NTRK3: variants seen among roughly 807,000 people sequenced by gnomAD.
NTRK3 encodes the protein NT-3 growth factor receptor.
Under a neutral mutation model 91.7 loss-of-function variants are expected in NTRK3, and 24 were observed. That is an observed-to-expected ratio of 0.26 (90% confidence interval 0.19 to 0.37). The LOEUF is 0.37. Among genes scored for constraint, NTRK3 ranks in the 10% least tolerant of loss-of-function variants. The probability of loss-of-function intolerance (pLI) is 1.00; values close to 1 mark genes in which losing one functional copy is unlikely to be tolerated. For missense variants in NTRK3, 880 were observed against 1,068.9 expected (o/e 0.82, Z 2.46); for synonymous variants, 483 against 404.0 (o/e 1.20, Z -2.34).
intron 16 of NTRK3, among the ~76,000 whole-genome samples, chr15:87,931,885 T>G (rs1274874477): frequency 6.6e-6 from 1 of 152,242 alleles, no homozygotes; most frequent in Non-Finnish European, 1.5e-5. Flanking sequence ...AATTTACATT[T>G]GAACTTTGGA....
exon 19 of NTRK3, chr15:87,862,594 G>A (rs2064557021): frequency 4.4e-6 from 1 of 226,464 alleles, no homozygotes; most frequent in Non-Finnish European, 8.8e-6. Flanking sequence ...CTGACAATTA[G>A]TTAAGAGTAG....
intron 17 of NTRK3, among the ~76,000 whole-genome samples, chr15:87,894,180 C>A (rs2065986639): frequency 6.6e-6 from 1 of 152,200 alleles, no homozygotes; most frequent in Non-Finnish European, 1.5e-5. Context: ...TTCCCACATG[C>A]CCCAGTGGCC....
At position 88,135,381 on chromosome 15, in the gene NTRK3, C is replaced by T. The variant is rs145564369; in HGVS notation, c.924G>A (p.Val308=). ...GGCGCAGCTCAGGCTCCTCCAGGCT[C>T]ACCACACGTGGGGGATCTGTCAAGG... Residue 308 remains valine (V), a synonymous_variant, in exon 10 of 19, where the codon GTG becomes GTA. Transcript: ENST00000394480. 13 of 1,613,876 alleles carry T rather than the reference C, an allele frequency of 8.1e-6. No homozygotes were observed. In the African/African-American group the frequency reaches 1.1e-4, roughly 13 times the overall value.
At chr15:87,887,521 G>C (rs969017136) in intron 17 of NTRK3, among the ~76,000 whole-genome samples, 6 of 152,306 alleles carry the variant, frequency 3.9e-5, no homozygotes, top group Admixed American at 3.3e-4. Flanking sequence ...ACAAAGTACA[G>C]TAACTGTTCA....
chr15:88,223,081 C>T (rs945748870), intron 3 of NTRK3, among the ~76,000 whole-genome samples: 28 of 152,152 alleles, frequency 1.8e-4, no homozygotes, highest in African/African-American at 6.0e-4. Flanking sequence ...TGCTTGCCTC[C>T]CTGCTCCCTC....
intron 5 of NTRK3, among the ~76,000 whole-genome samples, chr15:88,182,414 T>C (rs945025988): frequency 1.3e-5 from 2 of 152,166 alleles, no homozygotes; most frequent in African/African-American, 4.8e-5. Flanking sequence ...CCCCGGTGCA[T>C]GCAATTTCTC....
chr15:87,904,311 C>A (rs1174165634), intron 17 of NTRK3, among the ~76,000 whole-genome samples: 1 of 152,028 alleles, frequency 6.6e-6, no homozygotes, highest in African/African-American at 2.4e-5. Context: ...CCACCACGCC[C>A]GGCTAATTTT....
chr15:88,129,018 T>C (rs184003744), intron 10 of NTRK3, among the ~76,000 whole-genome samples: 241 of 152,314 alleles, frequency 1.6e-3, no homozygotes, highest in Non-Finnish European at 6.2e-4. Flanking sequence ...TATGAGATGA[T>C]AGGGAATTAA....
At chr15:88,238,799 T>C (rs1166402005) in intron 3 of NTRK3, among the ~76,000 whole-genome samples, 1 of 152,252 alleles carries the variant, frequency 6.6e-6, no homozygotes, top group Non-Finnish European at 1.5e-5. Context: ...AAATGCCTCC[T>C]GATAACATTT....
rs1321278599 is a variant in NTRK3 at position 88,170,732 on chromosome 15, G to A, written c.395+12686C>T. ...AGGCTATGGATCAGGGTCCCAACAG[G>A]CCCACTGTAGGGTCCCTGAGGATTC... On this transcript the variant is annotated intron_variant, in intron 5 of 18. Transcript: ENST00000394480. Among the ~76,000 whole-genome samples the A allele has an allele frequency of 2.0e-5, 3 of 152,076 alleles. No homozygotes were observed. In the East Asian group the frequency reaches 5.8e-4, roughly 29 times the overall value.
Position 88,255,564 on chromosome 15 carries a change from A to G in NTRK3, c.248+342T>C, listed in dbSNP as rs576583962. Among the ~76,000 whole-genome samples, 10 of 151,372 alleles carry G rather than the reference A, an allele frequency of 6.6e-5. No individual in the cohort carries two copies. The East Asian group carries it at 2.0e-3, about 30-fold the overall frequency. ...ACTTGAGCGTGGCCAAACTGTTGCT[A>G]TTTAGTGGGGAGCAAAAAAAAACAA... On this transcript the variant is annotated intron_variant, in intron 3 of 18. Coordinates refer to ENST00000394480, the Ensembl canonical transcript of NTRK3. This position sits in a 1 kb window ranked among gnomAD's most constrained non-coding sequence, Gnocchi z 4.3.
chr15:88,170,733 C>T (rs772344696), intron 5 of NTRK3, among the ~76,000 whole-genome samples: 2 of 152,120 alleles, frequency 1.3e-5, no homozygotes, highest in African/African-American at 2.4e-5. Flanking sequence ...TCCCAACAGG[C>T]CCACTGTAGG....
intron 17 of NTRK3, among the ~76,000 whole-genome samples, chr15:87,922,263 A>T (rs949555598): frequency 6.6e-6 from 1 of 152,226 alleles, no homozygotes; most frequent in Admixed American, 6.5e-5. Context: ...TCACTGGTCA[A>T]AAAGACTTAG....
At chr15:87,895,951 C>A (rs532563432) in intron 17 of NTRK3, among the ~76,000 whole-genome samples, 4 of 152,034 alleles carry the variant, frequency 2.6e-5, no homozygotes, top group Admixed American at 6.6e-5. Context: ...TTTAAATATA[C>A]CTATAGCCTG....
At chr15:88,148,623 G>T (rs899819334) in intron 5 of NTRK3, among the ~76,000 whole-genome samples, 16 of 152,198 alleles carry the variant, frequency 1.1e-4, no homozygotes, top group Non-Finnish European at 1.5e-5. Context: ...TTTGGGATAA[G>T]GGGGAGAGGC....
At chr15:88,139,874 G>T (rs1004436371) in intron 6 of NTRK3, among the ~76,000 whole-genome samples, 4 of 139,130 alleles carry the variant, frequency 2.9e-5, no homozygotes, top group Non-Finnish European at 4.6e-5. Context: ...AGCAAGCTAG[G>T]AGCCCTGACT....
chr15:87,880,814 C>T (rs2065202205), intron 17 of NTRK3, among the ~76,000 whole-genome samples: 2 of 152,240 alleles, frequency 1.3e-5, no homozygotes, highest in African/African-American at 4.8e-5. Context: ...CTGCAAACAT[C>T]AGGTTAGATT....
chr15:87,958,214 C>G (rs1047960750), intron 14 of NTRK3, among the ~76,000 whole-genome samples: 2 of 152,174 alleles, frequency 1.3e-5, no homozygotes, highest in African/African-American at 4.8e-5. Flanking sequence ...AGGGCAGTGG[C>G]ATATATAGGA....
intron 14 of NTRK3, among the ~76,000 whole-genome samples, chr15:87,992,020 C>T (rs2141501045): frequency 6.6e-6 from 1 of 151,796 alleles, no homozygotes; most frequent in South Asian, 2.1e-4. Flanking sequence ...TCACTCAACC[C>T]TATTTTAGGG....
Sources: allele counts gnomAD v4.1 joint callset (sites outside exome capture counted in the v4.1 genomes callset), GRCh38; gene constraint gnomAD v4.1.1; non-coding constraint Gnocchi (gnomAD v3.1); transcripts MANE v1.5; gene names NCBI Gene and HGNC (gene_info 2026-07-23, HGNC 2026-07-21).